The following ELMO1 variants were observed in gnomAD, a reference collection of about 807,000 sequenced individuals.
ELMO1 encodes the protein engulfment and cell motility protein 1.
A neutral mutation model predicts 98.9 loss-of-function variants in ELMO1; 26 were observed. The observed-to-expected ratio is 0.26, with a 90% CI of 0.19 to 0.36. The LOEUF (loss-of-function observed/expected upper bound fraction) is 0.36, where lower values mean the gene tolerates loss of function less well. Ranked by LOEUF, ELMO1 falls within the 10% of genes least tolerant of loss-of-function variation. The pLI is 1.00. For synonymous variants in ELMO1, 346 were observed against 346.0 expected (o/e 1.00, Z 0.00); for missense variants, 627 against 935.2 (o/e 0.67, Z 4.30).
intron 1 of ELMO1, among the ~76,000 whole-genome samples, chr7:37,444,619 TCTC>T (rs1352716004): frequency 1.3e-5 from 2 of 152,114 alleles, no homozygotes; most frequent in East Asian, 3.9e-4. Flanking sequence ...TTCACTCAAT[TCTC>T]CTACCTCAGC....
At chr7:37,195,839 G>A (rs1280241031) in intron 13 of ELMO1, among the ~76,000 whole-genome samples, 1 of 152,200 alleles carries the variant, frequency 6.6e-6, no homozygotes, top group Non-Finnish European at 1.5e-5. Flanking sequence ...GAAGGCTGCA[G>A]TGGGAATGAG....
intron 13 of ELMO1, among the ~76,000 whole-genome samples, chr7:37,195,164 A>C (rs1791888248): frequency 6.6e-6 from 1 of 152,198 alleles, no homozygotes; most frequent in African/African-American, 2.4e-5. Flanking sequence ...TGAACTGAGA[A>C]TTGTAGAGGA....
intron 7 of ELMO1, among the ~76,000 whole-genome samples, chr7:37,243,773 A>G (rs553138882): frequency 1.3e-5 from 2 of 152,336 alleles, no homozygotes; most frequent in East Asian, 3.9e-4. Context: ...TGTTAGAACC[A>G]TATTTGGACT....
At chr7:36,861,591 T>C (rs1802631161) in intron 21 of ELMO1, 68 bp downstream of exon 21, 3 of 1,536,320 alleles carry the variant, frequency 2.0e-6, no homozygotes, top group African/African-American at 2.8e-5. Flanking sequence ...TTAAGTAAAA[T>C]TTCTTTCTAT....
In ELMO1 at chr7:36,861,680, G is replaced by A. The variant is rs1802642358; in HGVS notation, c.1962C>T (p.Phe654=). 2 of 1,612,302 alleles carry A rather than the reference G, an allele frequency of 1.2e-6. No homozygotes were observed. Among genetic ancestry groups the A allele is most frequent in the Non-Finnish European group, 1.7e-6 (2 of 1,179,622 alleles). The part of the protein sequence containing the change: ...ILYDSNCQLN[F]IAPDKHEYCI... ...TTACCTCATGCTTGTCAGGAGCGAT[G>A]AAGTTCAGTTGGCAGTTTGAGTCAT... is the stretch of plus-strand genomic sequence containing the variant. The change falls in exon 21 of 22, where the codon TTC becomes TTT. Residue 654 remains phenylalanine, a synonymous_variant. Coordinates refer to ENST00000310758, the MANE Select transcript of ELMO1 (RefSeq NM_014800.11).
At chr7:36,896,008 T>C (rs1401718717) in intron 16 of ELMO1, among the ~76,000 whole-genome samples, 2 of 152,238 alleles carry the variant, frequency 1.3e-5, no homozygotes, top group Non-Finnish European at 2.9e-5. Flanking sequence ...CCATTGGTCA[T>C]TAAGTGGCTG....
chr7:37,348,638 C>T (rs1428789035), intron 1 of ELMO1, among the ~76,000 whole-genome samples: 1 of 152,150 alleles, frequency 6.6e-6, no homozygotes, highest in Non-Finnish European at 1.5e-5. Context: ...CAAGCCCACT[C>T]TTCCACTAAA....
intron 15 of ELMO1, among the ~76,000 whole-genome samples, chr7:37,027,151 C>T (rs1794628414): frequency 6.6e-6 from 1 of 152,176 alleles, no homozygotes; most frequent in South Asian, 2.1e-4. Context: ...TTCTTCCTCC[C>T]TCTCTCCCCC....
chr7:37,178,448 A>G (rs1160285364), intron 13 of ELMO1, among the ~76,000 whole-genome samples: 4 of 134,764 alleles, frequency 3.0e-5, no homozygotes, highest in Admixed American at 2.2e-4. Context: ...AAAAAAAAAA[A>G]AGAAAAAATT....
At chr7:37,137,819 G>T (rs534844332) in intron 13 of ELMO1, among the ~76,000 whole-genome samples, 1 of 152,230 alleles carries the variant, frequency 6.6e-6, no homozygotes, top group South Asian at 2.1e-4. Context: ...TTACAGGCGT[G>T]AGCCACTGTG....
intron 1 of ELMO1, among the ~76,000 whole-genome samples, chr7:37,359,151 TGG>T (rs1801604956): frequency 6.6e-6 from 1 of 152,190 alleles, no homozygotes; most frequent in Non-Finnish European, 1.5e-5. Context: ...GAGGAACCAG[TGG>T]TAAAGTCCAA....
chr7:36,865,619 A>T (rs1196740402), intron 20 of ELMO1, among the ~76,000 whole-genome samples: 1 of 152,166 alleles, frequency 6.6e-6, no homozygotes, highest in Admixed American at 6.5e-5. Context: ...CTCCTTTTGG[A>T]AAGTCTTCTC....
intron 15 of ELMO1, among the ~76,000 whole-genome samples, chr7:37,049,695 G>A (rs1795993492): frequency 6.6e-6 from 1 of 151,980 alleles, no homozygotes; most frequent in South Asian, 2.1e-4. Flanking sequence ...AAGACTTCCA[G>A]AGGCAAATGA....
intron 13 of ELMO1, among the ~76,000 whole-genome samples, chr7:37,181,503 G>A (rs566191781): frequency 3.9e-5 from 6 of 152,264 alleles, no homozygotes; most frequent in South Asian, 4.2e-4. Flanking sequence ...ACTTTTGACA[G>A]AAATGCAATC....
intron 16 of ELMO1, among the ~76,000 whole-genome samples, chr7:36,946,592 T>C (rs1787508130): frequency 6.6e-6 from 1 of 152,224 alleles, no homozygotes; most frequent in Non-Finnish European, 1.5e-5. Flanking sequence ...TATTGTTATC[T>C]GTGGTAAGGA....
At chr7:37,388,112 C>A (rs543201044) in intron 1 of ELMO1, among the ~76,000 whole-genome samples, 1 of 152,180 alleles carries the variant, frequency 6.6e-6, no homozygotes, top group East Asian at 1.9e-4. Flanking sequence ...TGCAAGGAAC[C>A]CTTTAAACAT....
chr7:37,045,916 G>A (rs914770854), intron 15 of ELMO1, among the ~76,000 whole-genome samples: 9 of 152,156 alleles, frequency 5.9e-5, no homozygotes, highest in Non-Finnish European at 7.4e-5. Context: ...GCGAAGGATA[G>A]CCTTCCTAGG....
intron 5 of ELMO1, among the ~76,000 whole-genome samples, chr7:37,265,665 C>A (rs537147507): frequency 4.6e-5 from 7 of 152,190 alleles, no homozygotes; most frequent in African/African-American, 1.7e-4. Context: ...CAGCCTCCAA[C>A]ACACCTAAGT....
At chr7:37,286,169 C>G (rs1384773313) in intron 4 of ELMO1, among the ~76,000 whole-genome samples, 1 of 152,152 alleles carries the variant, frequency 6.6e-6, no homozygotes, top group African/African-American at 2.4e-5. Context: ...AAATAGTGGT[C>G]TGTGGAGAGA....
Sources: gnomAD v4.1 joint callset for allele counts (sites outside exome capture counted in the v4.1 genomes callset) on GRCh38, gnomAD v4.1.1 for gene constraint, MANE v1.5 for transcripts, NCBI Gene and HGNC (gene_info 2026-07-23, HGNC 2026-07-21) for gene names.